ANGEL1: variants seen among roughly 807,000 people sequenced by gnomAD.
ANGEL1 encodes angel homolog 1, also known as RNA 2',3'-cyclic phosphatase ANGEL1.
ANGEL1 carries 62 observed loss-of-function variants against 76.4 expected under a neutral mutation model. The observed-to-expected ratio is 0.81, with a 90% CI of 0.66 to 1.00. ANGEL1 has a LOEUF of 1.00. ANGEL1 is among the 50% of genes least tolerant of loss of function. ANGEL1 has a pLI of 0.00. For synonymous variants in ANGEL1, 340 were observed against 331.7 expected (o/e 1.03, Z -0.27); for missense variants, 737 against 836.7 (o/e 0.88, Z 1.47).
At chr14:76,807,059 G>A (rs2140228567) in intron 4 of ANGEL1, among the ~76,000 whole-genome samples, 1 of 152,328 alleles carries the variant, frequency 6.6e-6, no homozygotes, top group South Asian at 2.1e-4. Context: ...GGAAGGGTAT[G>A]AAGCAATGTA....
chr14:76,805,052 T>TAAAA (rs1461313159), intron 5 of ANGEL1, among the ~76,000 whole-genome samples: 22 of 148,508 alleles, frequency 1.5e-4, no homozygotes, highest in Non-Finnish European at 2.1e-4. Flanking sequence ...AATAAATAAA[T>TAAAA]AAAATGGGAT....
At chr14:76,794,531 C>T (rs1035340338) in intron 7 of ANGEL1, among the ~76,000 whole-genome samples, 1 of 151,812 alleles carries the variant, frequency 6.6e-6, no homozygotes, top group Non-Finnish European at 1.5e-5. Context: ...ATCAGCCAGG[C>T]GTGGTGGTGG....
intron 9 of ANGEL1, 36 bp from the exon 10 acceptor site, chr14:76,789,424 G>A: frequency 6.2e-7 from 1 of 1,611,426 alleles, no homozygotes; most frequent in Non-Finnish European, 8.5e-7. Flanking sequence ...GGTAAAAGCA[G>A]CCGCAGCCAC....
At chr14:76,797,574 C>G (rs550998184) in intron 7 of ANGEL1, among the ~76,000 whole-genome samples, 1 of 151,778 alleles carries the variant, frequency 6.6e-6, no homozygotes, top group Non-Finnish European at 1.5e-5. Flanking sequence ...CACTCCAGCC[C>G]GGGTGACAGA....
chr14:76,809,619 T>C lies in ANGEL1; in HGVS notation c.89A>G (p.Asn30Ser). 1 of 1,613,062 alleles carries C rather than the reference T, an allele frequency of 6.2e-7. No homozygotes were observed. Among genetic ancestry groups the C allele is most frequent in the Non-Finnish European group, 8.5e-7 (1 of 1,179,444 alleles). ...LSDAFFTCRK[N>S]VLLANSSSPQ... ...GGATGAGCTGTTCGCCAGAAGGACA[T>C]TTTTTCGACATGTGAAGAAAGCATC... Residue 30 changes from asparagine (N) to serine (S), a missense_variant, in exon 2 of 10, where the codon AAT becomes AGT. By Grantham distance (46) the Asn-to-Ser change is conservative (BLOSUM62 1). This residue lies in a region of ANGEL1 where 441 missense variants were observed against 449.5 expected (regional missense o/e 0.98). Transcript: ENST00000251089.
At chr14:76,810,999 G>C (rs1341700266) in intron 1 of ANGEL1, among the ~76,000 whole-genome samples, 3 of 152,166 alleles carry the variant, frequency 2.0e-5, no homozygotes, top group Non-Finnish European at 4.4e-5. Context: ...TTGAAAGACG[G>C]TTCAAATATC....
In ANGEL1 at chr14:76,808,118, G is replaced by A. The variant is rs1458896958; in HGVS notation, c.680C>T (p.Ser227Phe). 6.2e-7 allele frequency: 1 copy of A among 1,613,808 alleles called. No individual in the cohort carries two copies. Among genetic ancestry groups the A allele is most frequent in the South Asian group, 1.1e-5 (1 of 91,052 alleles). Residue 227 changes from serine to phenylalanine, a missense_variant, in exon 3 of 10, where the codon TCC becomes TTC. Ser to Phe is a radical substitution (Grantham distance 155). Transcript: ENST00000251089. ...CAGGCCCTGAGCATCTGGCTGGGTGGAGAAATCCTCCCATTCTCGCCACAA... is the reference window on the plus strand; with the variant it reads ...CAGGCCCTGAGCATCTGGCTGGGTGAAGAAATCCTCCCATTCTCGCCACAA... ...EILWREWEDF[S>F]TQPDAQGLKA...
At chr14:76,799,906 G>GAAA (rs11317631) in intron 7 of ANGEL1, among the ~76,000 whole-genome samples, 3 of 119,740 alleles carry the variant, frequency 2.5e-5, no homozygotes, top group Non-Finnish European at 1.7e-5. Context: ...ACTCTGTCAT[G>GAAA]AAAAAAAAAA....
In ANGEL1 at chr14:76,806,868, CAA is replaced by C; in HGVS notation, c.947-21_947-20del. The C allele has an allele frequency of 6.2e-7, 1 of 1,605,080 alleles. No homozygotes were observed. Among genetic ancestry groups the C allele is most frequent in the Non-Finnish European group, 8.5e-7 (1 of 1,175,008 alleles). On this transcript the variant is annotated intron_variant, in intron 4 of 9. Transcript: ENST00000251089. Reference sequence around the variant, plus strand: ...GTAAAGCCTGCAAGGAAAATCCCACCAAAGAGATGGGTCAGAGTCCTTAAAGC... The same window carrying C: ...GTAAAGCCTGCAAGGAAAATCCCACCAGAGATGGGTCAGAGTCCTTAAAGC...
intron 7 of ANGEL1, 88 bp downstream of exon 7, chr14:76,803,283 C>A: frequency 9.3e-7 from 1 of 1,079,934 alleles, no homozygotes; most frequent in South Asian, 1.5e-5. Context: ...AAGAATTATA[C>A]TTAGAAAAGA....
chr14:76,803,170 G>A (rs1237539475), intron 7 of ANGEL1, among the ~76,000 whole-genome samples: 3 of 152,212 alleles, frequency 2.0e-5, no homozygotes, highest in Non-Finnish European at 4.4e-5. Context: ...CAGGTGTCTT[G>A]ATTCCTGGTC....
At position 76,796,766 on chromosome 14, in the gene ANGEL1, C is replaced by A. The variant is rs114317276; in HGVS notation, c.1619-5400G>T. ...TTTTATCTACTTGATCTGCTGCAGA[C>A]TCAGAAAGATCAATTAAAGCCTTCT... On this transcript the variant is annotated intron_variant, in intron 7 of 9. Transcript: ENST00000251089. 8.8e-3 allele frequency among the ~76,000 whole-genome samples: 1,336 copies of A among 152,306 alleles called. 24 individuals carry two copies. The highest frequency in any genetic ancestry group is 0.029 in the African/African-American group (1,224 of 41,558).
intron 7 of ANGEL1, among the ~76,000 whole-genome samples, chr14:76,801,818 T>C (rs1894772851): frequency 1.3e-5 from 2 of 152,206 alleles, no homozygotes; most frequent in South Asian, 4.1e-4. Context: ...CCTGAACTTA[T>C]TTTATAAAGG....
At chr14:76,796,187 C>T (rs1324768271) in intron 7 of ANGEL1, among the ~76,000 whole-genome samples, 2 of 151,604 alleles carry the variant, frequency 1.3e-5, no homozygotes, top group East Asian at 1.9e-4. Flanking sequence ...CCACAATTTC[C>T]GTTTAAATTT....
Position 76,789,227 on chromosome 14 carries a change from G to A in ANGEL1, c.*1C>T. The A allele has an allele frequency of 6.2e-7, 1 of 1,614,228 alleles. No homozygotes were observed. Among genetic ancestry groups the A allele is most frequent in the East Asian group, 2.2e-5 (1 of 44,890 alleles). On this transcript the variant is annotated 3_prime_UTR_variant, in exon 10 of 10. Transcript: ENST00000251089. ...GAAGCTCTCTTCCCCTGGGAGCCCT[G>A]TCATGGGGCGGTGACTTCCATCCCG...
chr14:76,809,191 G>T lies in ANGEL1; in HGVS notation c.517C>A (p.Gln173Lys), dbSNP rs371753180. Residue 173 changes from glutamine (Q) to lysine (K), a missense_variant, in exon 2 of 10, where the codon CAG becomes AAG. Coordinates refer to ENST00000251089, the MANE Select transcript of ANGEL1 (RefSeq NM_015305.4). ...AACACCGCTGGGTCCTCTTCCCACTGCTCTGTGGCCAGGGCACCCACTGGG... is the reference window on the plus strand; with the variant it reads ...AACACCGCTGGGTCCTCTTCCCACTTCTCTGTGGCCAGGGCACCCACTGGG... Reference protein sequence around the residue: ...ALPVGALATEQWEEDPAVLAW... With the variant: ...ALPVGALATEKWEEDPAVLAW... The T allele has an allele frequency of 3.7e-6, 6 of 1,613,796 alleles. No individual in the cohort carries two copies. Among genetic ancestry groups the T allele is most frequent in the Non-Finnish European group, 5.1e-6 (6 of 1,179,840 alleles).
At position 76,806,603 on chromosome 14, in the gene ANGEL1, C is replaced by G; in HGVS notation, c.1193G>C (p.Arg398Pro). 1 of 1,614,188 alleles carries G rather than the reference C, an allele frequency of 6.2e-7. No individual in the cohort carries two copies. Among genetic ancestry groups the G allele is most frequent in the Non-Finnish European group, 8.5e-7 (1 of 1,180,042 alleles). ...VANTHILYNP[R>P]RGDVKLAQMA... ...CTGGGCCAGCTTGACATCGCCCCGG[C>G]GTGGGTTGTAAAGGATATGGGTATT... The change falls in exon 5 of 10, where the codon CGC becomes CCC. Residue 398 changes from arginine (R) to proline (P), a missense_variant. Arg to Pro is a moderately radical substitution (Grantham distance 103). Transcript: ENST00000251089.
intron 5 of ANGEL1, among the ~76,000 whole-genome samples, chr14:76,805,323 C>G (rs544925493): frequency 1.3e-5 from 2 of 152,296 alleles, no homozygotes; most frequent in African/African-American, 4.8e-5. Flanking sequence ...ATTCACTATG[C>G]CTAACAGTGC....
rs1895015078 is a variant in ANGEL1 at position 76,809,313 on chromosome 14, C to A, written c.395G>T (p.Gly132Val). Residue 132 changes from glycine (G) to valine (V), a missense_variant, in exon 2 of 10, where the codon GGA becomes GTA. Physicochemically the swap from Gly to Val is moderately radical, Grantham distance 109. Around this residue, in one of 2 missense-constraint regions of ANGEL1, gnomAD observed 441 missense variants for 449.5 expected, o/e 0.98. Transcript: ENST00000251089. Reference protein sequence around the residue: ...NLDEPFPEMLGEEPLLEVEGV... With the variant: ...NLDEPFPEMLVEEPLLEVEGV... ...CTCCACCTCCAGCAGTGGCTCCTCT[C>A]CTAGCATCTCAGGGAAAGGCTCATC... The A allele has an allele frequency of 6.2e-7, 1 of 1,614,224 alleles. No individual in the cohort carries two copies. Among genetic ancestry groups the A allele is most frequent in the Non-Finnish European group, 8.5e-7 (1 of 1,180,022 alleles).
Sources: allele counts gnomAD v4.1 joint callset (sites outside exome capture counted in the v4.1 genomes callset), GRCh38; gene constraint gnomAD v4.1.1; regional missense constraint gnomAD v4.1.1; transcripts MANE v1.5; gene names NCBI Gene and HGNC (gene_info 2026-07-23, HGNC 2026-07-21).